The following BTD variants were observed in gnomAD, a reference collection of about 807,000 sequenced individuals.
BTD encodes biocytinase.
Under a neutral mutation model 17.7 loss-of-function variants are expected in BTD, and 13 were observed. The observed-to-expected ratio is 0.74, with a 90% CI of 0.48 to 1.17. The LOEUF (loss-of-function observed/expected upper bound fraction) is 1.17. Among genes scored for constraint, BTD ranks in the 50% most tolerant of loss-of-function variants. BTD has a pLI of 0.00. For synonymous variants in BTD, 240 were observed against 245.2 expected (o/e 0.98, Z 0.20); for missense variants, 674 against 650.4 (o/e 1.04, Z -0.39).
chr3:15,671,647 A>C (rs994030326), intron 3 of BTD, among the ~76,000 whole-genome samples: 2 of 148,778 alleles, frequency 1.3e-5, no homozygotes, highest in African/African-American at 5.1e-5. Flanking sequence ...TCAGTGGTGC[A>C]AACTTGGCTC....
chr3:15,708,164 AT>A, intron 3 of BTD: 2 of 1,333,832 alleles, frequency 1.5e-6, no homozygotes, highest in Non-Finnish European at 2.1e-6. Flanking sequence ...CAAATACTTT[AT>A]TTACAGTGAG....
intron 3 of BTD, chr3:15,689,880 G>A: frequency 1.4e-6 from 1 of 716,514 alleles, no homozygotes; most frequent in South Asian, 2.1e-5. Context: ...ATTTGGTGAG[G>A]TCAAATAATC....
chr3:15,701,774 AT>A (rs2125962384), intron 3 of BTD, among the ~76,000 whole-genome samples: 1 of 152,328 alleles, frequency 6.6e-6, no homozygotes, highest in East Asian at 1.9e-4. Context: ...TCACAAACTA[AT>A]TCTGAGGACA....
At chr3:15,698,952 A>C (rs2070115704) in intron 3 of BTD, among the ~76,000 whole-genome samples, 1 of 152,214 alleles carries the variant, frequency 6.6e-6, no homozygotes, top group African/African-American at 2.4e-5. Context: ...AAGCCAAAAG[A>C]ACAAAGCTGG....
chr3:15,611,741 G>A (rs1285650089), intron 1 of BTD, among the ~76,000 whole-genome samples: 1 of 150,900 alleles, frequency 6.6e-6, no homozygotes, highest in Non-Finnish European at 1.5e-5. Context: ...TTGCACCACT[G>A]CACTCCAACC....
At chr3:15,695,582 C>T (rs2069418305) in intron 3 of BTD, among the ~76,000 whole-genome samples, 1 of 152,110 alleles carries the variant, frequency 6.6e-6, no homozygotes, top group Admixed American at 6.6e-5. Flanking sequence ...ATAAGAGCAT[C>T]TTTAACCTAA....
At chr3:15,682,035 G>C (rs2067600418) in intron 3 of BTD, among the ~76,000 whole-genome samples, 1 of 151,950 alleles carries the variant, frequency 6.6e-6, no homozygotes, top group African/African-American at 2.4e-5. Flanking sequence ...CATTCTCCAG[G>C]TATATGGGTT....
chr3:15,712,566 T>TG (rs1174090378), exon 4 of BTD, among the ~76,000 whole-genome samples: 1 of 152,188 alleles, frequency 6.6e-6, no homozygotes, highest in African/African-American at 2.4e-5. Flanking sequence ...CCCCAAATTG[T>TG]GACAACCAAA....
At chr3:15,718,965 A>C (rs1330279621) in intron 4 of BTD, among the ~76,000 whole-genome samples, 1 of 152,210 alleles carries the variant, frequency 6.6e-6, no homozygotes, top group Admixed American at 6.5e-5. Flanking sequence ...CTGATTATCC[A>C]AAGTGCAGGA....
rs78671831 is a variant in BTD, at chr3:15,691,707, T to C, written c.400-18353T>C. ...ACTATCTCAAAGATTAAAGTGACTG[T>C]AGGTCACGGAATTCTACTGTTTTAG... On this transcript the variant is annotated intron_variant, in intron 3 of 3. Transcript: ENST00000672141. Among the ~76,000 whole-genome samples the C allele has an allele frequency of 0.022, 3,399 of 152,344 alleles. 230 individuals carry two copies. The East Asian group carries it at 0.24, about 11-fold the overall frequency.
At chr3:15,643,027 CAA>C (rs200265982) in intron 3 of BTD, among the ~76,000 whole-genome samples, 4 of 99,294 alleles carry the variant, frequency 4.0e-5, no homozygotes, top group Non-Finnish European at 5.7e-5. Flanking sequence ...AACTCTGCCT[CAA>C]AAAAAAAAAA....
chr3:15,602,346 C>G (rs902200236), intron 1 of BTD: 1 of 1,028,110 alleles, frequency 9.7e-7, no homozygotes, highest in African/African-American at 1.7e-5. Context: ...GCCCTTGCTA[C>G]TAATCCATAT....
chr3:15,712,227 A>C, exon 4 of BTD: 1 of 1,570,082 alleles, frequency 6.4e-7, no homozygotes, highest in Non-Finnish European at 8.7e-7. Flanking sequence ...CCACGCCTAA[A>C]GTTAATAGAA....
chr3:15,602,309 A>G, intron 1 of BTD: 1 of 1,138,484 alleles, frequency 8.8e-7, no homozygotes, highest in South Asian at 2.7e-5. Context: ...AGCACCTTGA[A>G]GGTAGTATAG....
chr3:15,689,961 A>G, intron 3 of BTD: 1 of 1,428,510 alleles, frequency 7.0e-7, no homozygotes, highest in African/African-American at 1.4e-5. Flanking sequence ...TATATCAGAA[A>G]TTGAAAAAAA....
At chr3:15,601,388 T>C, upstream of BTD, 1 of 1,614,112 alleles carries the variant, frequency 6.2e-7, no homozygotes, top group Non-Finnish European at 8.5e-7. Flanking sequence ...CGTACTTGCG[T>C]TTTCAGGGCC....
At chr3:15,702,350 G>C (rs942343418) in intron 3 of BTD, among the ~76,000 whole-genome samples, 9 of 152,112 alleles carry the variant, frequency 5.9e-5, no homozygotes, top group African/African-American at 2.2e-4. Flanking sequence ...TTCATTAGAG[G>C]GTGGGGGCAG....
intron 3 of BTD, among the ~76,000 whole-genome samples, chr3:15,688,872 G>A (rs1452291270): frequency 1.3e-5 from 2 of 152,192 alleles, no homozygotes; most frequent in Non-Finnish European, 2.9e-5. Flanking sequence ...AAGCCTGTCT[G>A]CATAAATGTT....
chr3:15,686,252 T>C (rs1452855313), intron 3 of BTD: 4 of 1,593,556 alleles, frequency 2.5e-6, no homozygotes, highest in South Asian at 1.1e-5. Flanking sequence ...ATCCACTGCA[T>C]TCTGTGGTTC....
Sources: allele counts gnomAD v4.1 joint callset (sites outside exome capture counted in the v4.1 genomes callset), GRCh38; gene constraint gnomAD v4.1.1; transcripts MANE v1.5; gene names NCBI Gene and HGNC (gene_info 2026-07-23, HGNC 2026-07-21).